The following ZNF107 variants were observed in gnomAD, a reference collection of about 807,000 sequenced individuals.
ZNF107 encodes the protein C2H2 type zinc-finger protein.
A neutral mutation model predicts 12.3 loss-of-function variants in ZNF107; 19 were observed. That is an observed-to-expected ratio of 1.55 (90% CI 1.08 to 2.27). ZNF107 has a LOEUF of 2.27. Ranked by LOEUF, ZNF107 falls within the 30% of genes most tolerant of loss-of-function variation. The probability of loss-of-function intolerance (pLI) is 0.00; values close to 1 mark genes in which losing one functional copy is unlikely to be tolerated. For synonymous variants in ZNF107, 317 were observed against 330.5 expected (o/e 0.96, Z 0.44); for missense variants, 958 against 979.9 (o/e 0.98, Z 0.30).
rs190388267 is a variant in ZNF107, at chr7:64,701,131, A to G, written c.227-5193A>G. Among the ~76,000 whole-genome samples the G allele has an allele frequency of 6.8e-4, 104 of 152,304 alleles. 1 individual carries two copies. The highest frequency in any genetic ancestry group is 2.4e-3 in the African/African-American group (100 of 41,568). ...CCCATTTTACTATTATATAATATCA[A>G]TCTTTGTCTCATGCTAATACTTCAC... On this transcript the variant is annotated intron_variant, in intron 3 of 3. Transcript: ENST00000620827.
chr7:64,692,203 G>A (rs1790141344), intron 3 of ZNF107, among the ~76,000 whole-genome samples: 1 of 150,802 alleles, frequency 6.6e-6, no homozygotes, highest in African/African-American at 2.4e-5. Flanking sequence ...GACAGCCAAA[G>A]TTCTTTTCAT....
intron 1 of ZNF107, chr7:64,687,219 G>A: frequency 3.0e-6 from 3 of 986,394 alleles, no homozygotes; most frequent in Non-Finnish European, 3.6e-6. Flanking sequence ...TTAATGAGGT[G>A]GGCTGTCATA....
In ZNF107 at chr7:64,710,069, A is replaced by G. The variant is rs559785549; in HGVS notation, c.*1413A>G. 4.8e-6 allele frequency: 1 copy of G among 207,672 alleles called. No individual in the cohort carries two copies. The highest frequency in any genetic ancestry group is 2.4e-5 in the African/African-American group (1 of 41,948). The allele number at this position is 207,672 out of a possible 1,614,324, so 12.9% of individuals were successfully genotyped here. On this transcript the variant is annotated 3_prime_UTR_variant, in exon 4 of 4. Coordinates refer to ENST00000620827, the MANE Select transcript of ZNF107 (RefSeq NM_001282359.2). Reference sequence around the variant, plus strand: ...CTCAAACCTGGGAGGCGAAGATTGCAGTGAGCTGAAATCACACCACTACAC... The same window carrying G: ...CTCAAACCTGGGAGGCGAAGATTGCGGTGAGCTGAAATCACACCACTACAC...
At chr7:64,689,710 G>C (rs1790051060) in intron 1 of ZNF107, 1 of 152,730 alleles carries the variant, frequency 6.5e-6, no homozygotes, top group Non-Finnish European at 1.5e-5. Flanking sequence ...ATCAGCCCAG[G>C]GTCACTGGGA....
At chr7:64,682,463 C>T (rs1259911418) in intron 1 of ZNF107, among the ~76,000 whole-genome samples, 1 of 152,126 alleles carries the variant, frequency 6.6e-6, no homozygotes. Context: ...AACCTTCCCT[C>T]ATTCATCCTT....
chr7:64,708,314 C>T lies in ZNF107; in HGVS notation c.2217C>T (p.Gly739=), dbSNP rs138542877. The T allele has an allele frequency of 5.6e-4, 897 of 1,612,872 alleles. 7 individuals carry two copies. The East Asian group carries it at 0.017, about 30-fold the overall frequency. ...GEKPYKCKEC[G]KAFNLSSTLT... ...AACCTTACAAATGTAAAGAATGTGG[C>T]AAAGCTTTTAACCTATCCTCAACCC... is the stretch of plus-strand genomic sequence containing the variant. The change falls in exon 4 of 4, where the codon GGC becomes GGT. Residue 739 remains glycine (G), a synonymous_variant. Coordinates refer to ENST00000620827, the MANE Select transcript of ZNF107 (RefSeq NM_001282359.2).
intron 1 of ZNF107, among the ~76,000 whole-genome samples, chr7:64,685,536 C>A (rs1789874115): frequency 6.6e-6 from 1 of 152,162 alleles, no homozygotes; most frequent in African/African-American, 2.4e-5. Flanking sequence ...CTTTCGATTA[C>A]CCTTCTGAGT....
chr7:64,691,834 T>G (rs1370725921), intron 2 of ZNF107, 31 bp from the exon 3 acceptor site: 4 of 1,260,270 alleles, frequency 3.2e-6, no homozygotes, highest in Non-Finnish European at 4.1e-6. Context: ...TGATTAAGAT[T>G]CATGTTATAT....
rs746682114 is a variant in ZNF107, at chr7:64,682,877, T to C, written c.4-8371T>C. ...TTGGACCCAGTTTCAACCCAGCCTT[T>C]CACTTAGCACCCAACACATGTCCTG... On this transcript the variant is annotated intron_variant, in intron 1 of 3. Transcript: ENST00000620827. 2.6e-5 allele frequency among the ~76,000 whole-genome samples: 4 copies of C among 152,268 alleles called. No individual in the cohort carries two copies. The South Asian group carries it at 6.2e-4, about 24-fold the overall frequency.
At position 64,666,957 on chromosome 7, in the gene ZNF107, G is replaced by A. The variant is rs1016058309; in HGVS notation, c.3+672G>A. Among the ~76,000 whole-genome samples, 8 of 127,692 alleles carry A rather than the reference G, an allele frequency of 6.3e-5. 1 individual carries two copies. Among genetic ancestry groups the A allele is most frequent in the Non-Finnish European group, 7.9e-5 (5 of 63,656 alleles). The allele number at this position is 127,692 out of a possible 152,430, so 83.8% of individuals were successfully genotyped here. Reference sequence around the variant, plus strand: ...TCACGTAATCAGAGCTTAATTGGCAGTTCATGGTTGATTAAGTCTAAATTT... The same window carrying A: ...TCACGTAATCAGAGCTTAATTGGCAATTCATGGTTGATTAAGTCTAAATTT... On this transcript the variant is annotated intron_variant, in intron 1 of 3. Coordinates refer to ENST00000620827, the MANE Select transcript of ZNF107 (RefSeq NM_001282359.2).
intron 1 of ZNF107, among the ~76,000 whole-genome samples, chr7:64,672,561 C>T (rs1789272719): frequency 6.6e-6 from 1 of 152,080 alleles, no homozygotes; most frequent in Non-Finnish European, 1.5e-5. Context: ...CGTGGTTCTT[C>T]CACATTGCTC....
intron 3 of ZNF107, among the ~76,000 whole-genome samples, chr7:64,692,950 C>CT (rs1215055478): frequency 2.6e-5 from 4 of 151,836 alleles, no homozygotes; most frequent in Admixed American, 1.3e-4. Flanking sequence ...CAACCAGCAA[C>CT]TTTTTACTTG....
In ZNF107 at chr7:64,709,996, C is replaced by T; in HGVS notation, c.*1340C>T. 4.1e-6 allele frequency: 1 copy of T among 246,770 alleles called. No homozygotes were observed. 15.3% of individuals were successfully genotyped at this position (246,770 alleles called of 1,614,324 possible). A position where few individuals can be genotyped will look rare whatever the true frequency, so the allele number is the denominator to read the frequency against. Reference sequence around the variant, plus strand: ...TACAAAAATTAGCTGCGTGTGGTGGCAGGCCCCTGTAATCCCAGCTAATTG... The same window carrying T: ...TACAAAAATTAGCTGCGTGTGGTGGTAGGCCCCTGTAATCCCAGCTAATTG... On this transcript the variant is annotated 3_prime_UTR_variant, in exon 4 of 4. Coordinates refer to ENST00000620827, the MANE Select transcript of ZNF107 (RefSeq NM_001282359.2).
intron 3 of ZNF107, among the ~76,000 whole-genome samples, chr7:64,693,954 A>T (rs933833505): frequency 3.9e-5 from 6 of 152,042 alleles, no homozygotes; most frequent in Admixed American, 6.6e-5. Context: ...ACGCCTGGCT[A>T]ATTTTATATT....
At position 64,709,176 on chromosome 7, in the gene ZNF107, T is replaced by C. The variant is rs765353550; in HGVS notation, c.*520T>C. On this transcript the variant is annotated 3_prime_UTR_variant, in exon 4 of 4. Coordinates refer to ENST00000620827, the MANE Select transcript of ZNF107 (RefSeq NM_001282359.2). The stretch of plus-strand genomic sequence containing the variant: ...TTTAACCTTCCTTAACCCTTAACTG[T>C]AGATAAGAAAATTCATACTGGAAAG... The C allele has an allele frequency of 2.8e-5, 12 of 422,882 alleles. No homozygotes were observed. The highest frequency in any genetic ancestry group is 5.2e-5 in the Non-Finnish European group (11 of 211,226). The allele number at this position is 422,882 out of a possible 1,614,324, so 26.2% of individuals were successfully genotyped here. A position where few individuals can be genotyped will look rare whatever the true frequency, so the allele number is the denominator to read the frequency against.
chr7:64,682,138 G>C (rs1357662712), intron 1 of ZNF107, among the ~76,000 whole-genome samples: 1 of 151,444 alleles, frequency 6.6e-6, no homozygotes, highest in African/African-American at 2.4e-5. Context: ...GTCTCTCCTA[G>C]GAATCCTCCC....
intron 1 of ZNF107, chr7:64,690,248 A>G (rs540949138): frequency 1.2e-5 from 5 of 429,688 alleles, no homozygotes; most frequent in African/African-American, 1.1e-4. Context: ...TATTTATCTT[A>G]TAATAAAATT....
intron 3 of ZNF107, among the ~76,000 whole-genome samples, chr7:64,694,352 A>T (rs1407262518): frequency 6.6e-6 from 1 of 152,206 alleles, no homozygotes; most frequent in Non-Finnish European, 1.5e-5. Context: ...GTAGCCAAGT[A>T]CAGGGGTCTT....
chr7:64,688,287 C>T (rs1257307085), intron 1 of ZNF107, among the ~76,000 whole-genome samples: 1 of 135,034 alleles, frequency 7.4e-6, no homozygotes, highest in Non-Finnish European at 1.5e-5. Flanking sequence ...CATGGGTTCT[C>T]ACTCTGTTGC....
Sources: allele counts gnomAD v4.1 joint callset (sites outside exome capture counted in the v4.1 genomes callset), GRCh38; gene constraint gnomAD v4.1.1; transcripts MANE v1.5; gene names NCBI Gene and HGNC (gene_info 2026-07-23, HGNC 2026-07-21).